Variants in GRAMD2B observed in about 807,000 individuals in gnomAD.
The protein encoded by GRAMD2B is GRAM domain containing 2B.
In GRAMD2B, 41 loss-of-function variants were observed where a neutral mutation model predicts 59.2. The observed-to-expected ratio is 0.69, with a 90% confidence interval of 0.54 to 0.90. The LOEUF (loss-of-function observed/expected upper bound fraction) is 0.90, where lower values mean the gene tolerates loss of function less well. Ranked by LOEUF, GRAMD2B falls within the 40% of genes least tolerant of loss-of-function variation. GRAMD2B has a pLI of 0.00. For synonymous variants in GRAMD2B, 161 were observed against 182.7 expected (o/e 0.88, Z 0.96); for missense variants, 424 against 500.5 (o/e 0.85, Z 1.46).
chr5:126,437,967 C>A (rs1329033021), intron 1 of GRAMD2B, among the ~76,000 whole-genome samples: 1 of 152,180 alleles, frequency 6.6e-6, no homozygotes, highest in Non-Finnish European at 1.5e-5. Context: ...TGCATCACAG[C>A]TCAGATTGGT....
chr5:126,392,017 C>T (rs1344835686), intron 1 of GRAMD2B, among the ~76,000 whole-genome samples: 1 of 152,162 alleles, frequency 6.6e-6, no homozygotes, highest in African/African-American at 2.4e-5. Flanking sequence ...AATAATTTTT[C>T]CATGACTAAA....
chr5:126,419,695 A>G (rs1011951339), upstream of GRAMD2B, among the ~76,000 whole-genome samples: 1 of 152,202 alleles, frequency 6.6e-6, no homozygotes, highest in African/African-American at 2.4e-5. Context: ...CCCACCCACC[A>G]AAGGTGTTAT....
chr5:126,422,459 A>G (rs1759838901), upstream of GRAMD2B, among the ~76,000 whole-genome samples: 1 of 152,180 alleles, frequency 6.6e-6, no homozygotes, highest in South Asian at 2.1e-4. Flanking sequence ...TCGGCCTCCC[A>G]AACTGCTGGG....
At chr5:126,404,228 A>G (rs1269496152) in intron 1 of GRAMD2B, among the ~76,000 whole-genome samples, 1 of 151,876 alleles carries the variant, frequency 6.6e-6, no homozygotes, top group Non-Finnish European at 1.5e-5. Context: ...TGATTGTAAT[A>G]TTTGGTAGAG....
chr5:126,382,162 GT>G (rs749645640), intron 1 of GRAMD2B, among the ~76,000 whole-genome samples: 11 of 152,140 alleles, frequency 7.2e-5, no homozygotes, highest in Non-Finnish European at 2.9e-5. Context: ...TGATGACTAT[GT>G]GCCTAGTCGA....
At chr5:126,369,050 A>G (rs907065150), upstream of GRAMD2B, among the ~76,000 whole-genome samples, 1 of 152,152 alleles carries the variant, frequency 6.6e-6, no homozygotes, top group Admixed American at 6.5e-5. Context: ...AATGTTCACT[A>G]TTCCTCTACT....
At position 126,365,184 on chromosome 5, in the gene GRAMD2B, A is replaced by G. The variant is rs150229302; in HGVS notation, c.128+4725A>G. On this transcript the variant is annotated intron_variant, in intron 1 of 13. Transcript: ENST00000513040. Reference sequence around the variant, plus strand: ...TACATTTTGTTTTGTAAACTAAAAAAGCAGTATATTTTAAAAACCTTAGTG... The same window carrying G: ...TACATTTTGTTTTGTAAACTAAAAAGGCAGTATATTTTAAAAACCTTAGTG... Among the ~76,000 whole-genome samples, 110 of 152,316 alleles carry G rather than the reference A, an allele frequency of 7.2e-4. 2 individuals are homozygous for G. In the East Asian group the frequency reaches 0.02, roughly 28 times the overall value.
chr5:126,491,566 C>T (rs950397115), intron 13 of GRAMD2B, among the ~76,000 whole-genome samples: 1 of 152,150 alleles, frequency 6.6e-6, no homozygotes, highest in Non-Finnish European at 1.5e-5. Context: ...TTTGCTGGCA[C>T]TTACATATCA....
chr5:126,461,736 G>A (rs188719940), intron 1 of GRAMD2B, among the ~76,000 whole-genome samples: 42 of 152,296 alleles, frequency 2.8e-4, no homozygotes, highest in East Asian at 5.8e-4. Flanking sequence ...GGAGGTGGAG[G>A]CTGTAGTGAG....
intron 5 of GRAMD2B, among the ~76,000 whole-genome samples, chr5:126,475,918 G>C (rs967483918): frequency 6.6e-6 from 1 of 152,174 alleles, no homozygotes; most frequent in Non-Finnish European, 1.5e-5. Flanking sequence ...AGACCAGCCC[G>C]AACAACATAG....
At chr5:126,394,205 G>T (rs1757137683) in intron 1 of GRAMD2B, among the ~76,000 whole-genome samples, 1 of 151,776 alleles carries the variant, frequency 6.6e-6, no homozygotes, top group South Asian at 2.1e-4. Flanking sequence ...AACCCGGGAG[G>T]CAGAGCTTGC....
chr5:126,372,634 CTTAAT>C (rs1235309805), intron 1 of GRAMD2B, among the ~76,000 whole-genome samples: 1 of 152,070 alleles, frequency 6.6e-6, no homozygotes. Context: ...TTTCAAGTTA[CTTAAT>C]TTTTCTATCC....
chr5:126,411,648 T>C (rs1176474301), intron 1 of GRAMD2B, among the ~76,000 whole-genome samples: 3 of 152,138 alleles, frequency 2.0e-5, no homozygotes, highest in Non-Finnish European at 2.9e-5. Flanking sequence ...AAAATGATGT[T>C]GATAGCTTGA....
chr5:126,366,590 T>G (rs1346246763), upstream of GRAMD2B, among the ~76,000 whole-genome samples: 1 of 152,200 alleles, frequency 6.6e-6, no homozygotes, highest in African/African-American at 2.4e-5. Context: ...TAGATATTAT[T>G]GTTATTCCCA....
At chr5:126,473,481 T>C (rs542079210) in intron 5 of GRAMD2B, 113 bp downstream of exon 5, 33 of 429,578 alleles carry the variant, frequency 7.7e-5, no homozygotes, top group African/African-American at 5.1e-4. Context: ...GTTATTCTTT[T>C]ATGTCAAGTT....
intron 6 of GRAMD2B, among the ~76,000 whole-genome samples, chr5:126,479,145 T>G (rs550737779): frequency 1.5e-4 from 23 of 152,330 alleles, no homozygotes; most frequent in African/African-American, 5.5e-4. Flanking sequence ...TCATGAATTA[T>G]TTCTATGAAA....
intron 1 of GRAMD2B, among the ~76,000 whole-genome samples, chr5:126,430,114 G>C (rs894019634): frequency 1.3e-5 from 2 of 152,186 alleles, no homozygotes; most frequent in Non-Finnish European, 2.9e-5. Flanking sequence ...AGATCCTTGA[G>C]AGAGGTTCCT....
intron 2 of GRAMD2B, among the ~76,000 whole-genome samples, chr5:126,468,688 A>G (rs1218717271): frequency 1.3e-5 from 2 of 151,766 alleles, no homozygotes; most frequent in Non-Finnish European, 2.9e-5. Flanking sequence ...GGATTTCGCT[A>G]TGTTGGCCAG....
At chr5:126,414,834 C>T (rs1365891129) in intron 1 of GRAMD2B, among the ~76,000 whole-genome samples, 1 of 152,150 alleles carries the variant, frequency 6.6e-6, no homozygotes, top group Non-Finnish European at 1.5e-5. Context: ...GGTAAATGCA[C>T]TTATCTTCTC....
Sources: gnomAD v4.1 joint callset for allele counts (sites outside exome capture counted in the v4.1 genomes callset) on GRCh38, gnomAD v4.1.1 for gene constraint, MANE v1.5 for transcripts, NCBI Gene and HGNC (gene_info 2026-07-23, HGNC 2026-07-21) for gene names.